The following DESI2 variants were observed in gnomAD, a reference collection of about 807,000 sequenced individuals.
DESI2 encodes the protein deubiquitinase DESI2.
In DESI2, 10 loss-of-function variants were observed where a neutral mutation model predicts 24.1. The observed-to-expected ratio is 0.41, with a 90% CI of 0.26 to 0.70. The LOEUF (loss-of-function observed/expected upper bound fraction) is 0.70. Ranked by LOEUF, DESI2 falls within the 30% of genes least tolerant of loss-of-function variation. The probability of loss-of-function intolerance (pLI) is 0.29; values close to 1 mark genes in which losing one functional copy is unlikely to be tolerated. For synonymous variants in DESI2, 71 were observed against 87.7 expected (o/e 0.81, Z 1.06); for missense variants, 122 against 234.9 (o/e 0.52, Z 3.14).
intron 2 of DESI2, among the ~76,000 whole-genome samples, chr1:244,687,621 ACT>A (rs1257598793): frequency 6.6e-6 from 1 of 152,080 alleles, no homozygotes; most frequent in Non-Finnish European, 1.5e-5. Flanking sequence ...TGGTGGTTAT[ACT>A]CTTTTTTATA....
chr1:244,673,970 ATTTACT>A (rs1373602923), intron 1 of DESI2, among the ~76,000 whole-genome samples: 15 of 143,954 alleles, frequency 1.0e-4, no homozygotes, highest in African/African-American at 3.3e-4. Flanking sequence ...AAGTTAATAG[ATTTACT>A]TTACTTCTGT....
chr1:244,697,066 T>C (rs1278008912), intron 4 of DESI2, among the ~76,000 whole-genome samples: 1 of 152,232 alleles, frequency 6.6e-6, no homozygotes, highest in Non-Finnish European at 1.5e-5. Context: ...CTCTGGACTT[T>C]GCCCCAAGTA....
intron 2 of DESI2, among the ~76,000 whole-genome samples, chr1:244,687,137 C>T (rs532966630): frequency 3.3e-5 from 5 of 152,130 alleles, no homozygotes; most frequent in Admixed American, 6.6e-5. Flanking sequence ...TAGACCTATA[C>T]GTCTTATAAA....
chr1:244,686,170 ATAT>A (rs1573212687), intron 1 of DESI2, among the ~76,000 whole-genome samples: 1 of 152,320 alleles, frequency 6.6e-6, no homozygotes, highest in East Asian at 1.9e-4. Flanking sequence ...AAAGAATAAA[ATAT>A]TTCTGCTTTC....
chr1:244,700,430 C>T (rs1470249471), intron 4 of DESI2, among the ~76,000 whole-genome samples: 2 of 152,068 alleles, frequency 1.3e-5, no homozygotes, highest in Non-Finnish European at 2.9e-5. Context: ...CAAGTTGGCT[C>T]ATAAGTCTTT....
At chr1:244,693,993 T>G (rs1677119274) in intron 4 of DESI2, among the ~76,000 whole-genome samples, 1 of 152,258 alleles carries the variant, frequency 6.6e-6, no homozygotes, top group Non-Finnish European at 1.5e-5. Flanking sequence ...GGCACTCTAA[T>G]GAAGTTTAGT....
chr1:244,675,025 T>C (rs1479555481), intron 1 of DESI2, among the ~76,000 whole-genome samples: 2 of 152,234 alleles, frequency 1.3e-5, no homozygotes, highest in African/African-American at 2.4e-5. Context: ...CTTGTTATTA[T>C]CTGTCTTTTT....
At chr1:244,704,457 T>C (rs957859296) in intron 4 of DESI2, among the ~76,000 whole-genome samples, 3 of 152,138 alleles carry the variant, frequency 2.0e-5, no homozygotes, top group African/African-American at 7.2e-5. Context: ...GGGGAAGGGT[T>C]CAAGAGTCCT....
At chr1:244,664,568 C>A (rs867187451) in intron 1 of DESI2, among the ~76,000 whole-genome samples, 1 of 152,176 alleles carries the variant, frequency 6.6e-6, no homozygotes, top group African/African-American at 2.4e-5. Flanking sequence ...TAGCCAGGCC[C>A]ATGCCTGTGA....
intron 1 of DESI2, among the ~76,000 whole-genome samples, chr1:244,667,523 C>G (rs1472968623): frequency 2.6e-5 from 4 of 152,114 alleles, no homozygotes; most frequent in Admixed American, 2.6e-4. Flanking sequence ...ATTACTATTC[C>G]CATTTTAGAG....
intron 4 of DESI2, among the ~76,000 whole-genome samples, chr1:244,693,657 C>G (rs907911346): frequency 1.3e-5 from 2 of 151,572 alleles, no homozygotes; most frequent in Non-Finnish European, 1.5e-5. Flanking sequence ...TCTCGAACTC[C>G]TGACCTCAAG....
At chr1:244,654,947 C>T (rs1441352925) in intron 1 of DESI2, among the ~76,000 whole-genome samples, 1 of 152,158 alleles carries the variant, frequency 6.6e-6, no homozygotes, top group Non-Finnish European at 1.5e-5. Flanking sequence ...GGCCAGAAGC[C>T]ATGGTTTCAG....
intron 4 of DESI2, among the ~76,000 whole-genome samples, chr1:244,697,375 G>A (rs1677258614): frequency 6.6e-6 from 1 of 151,746 alleles, no homozygotes; most frequent in Non-Finnish European, 1.5e-5. Flanking sequence ...CCTGGTGTGT[G>A]GCACACACCT....
At chr1:244,683,365 G>T (rs570939746) in intron 1 of DESI2, among the ~76,000 whole-genome samples, 1 of 151,898 alleles carries the variant, frequency 6.6e-6, no homozygotes, top group African/African-American at 2.4e-5. Flanking sequence ...AGGCTGGAGT[G>T]CAGTGGCGTG....
At position 244,707,556 on chromosome 1, in the gene DESI2, C is replaced by T. The variant is rs976370887; in HGVS notation, c.*1767C>T. 1 of 152,522 alleles carries T rather than the reference C, an allele frequency of 6.6e-6. No individual in the cohort carries two copies. Among genetic ancestry groups the T allele is most frequent in the African/African-American group, 2.4e-5 (1 of 41,432 alleles). The allele number at this position is 152,522 out of a possible 1,614,324, so 9.4% of individuals were successfully genotyped here. A position where few individuals can be genotyped will look rare whatever the true frequency, so the allele number is the denominator to read the frequency against. On this transcript the variant is annotated 3_prime_UTR_variant, in exon 5 of 5. Coordinates refer to ENST00000302550, the MANE Select transcript of DESI2 (RefSeq NM_016076.5). ...AAAATGAGGGCAAAACACTAAGGCTCTAGCAGTGACTTGTTCACTAAAAAG... is the reference window on the plus strand; with the variant it reads ...AAAATGAGGGCAAAACACTAAGGCTTTAGCAGTGACTTGTTCACTAAAAAG...
At chr1:244,703,947 C>T (rs1677589744) in intron 4 of DESI2, among the ~76,000 whole-genome samples, 1 of 152,158 alleles carries the variant, frequency 6.6e-6, no homozygotes, top group African/African-American at 2.4e-5. Flanking sequence ...GTGTGAGCCA[C>T]CGCGCTGGGC....
At chr1:244,701,499 C>T (rs546079527) in intron 4 of DESI2, among the ~76,000 whole-genome samples, 1 of 152,054 alleles carries the variant, frequency 6.6e-6, no homozygotes, top group Non-Finnish European at 1.5e-5. Flanking sequence ...ATTCTATAGG[C>T]AGGTAACTGG....
intron 1 of DESI2, among the ~76,000 whole-genome samples, chr1:244,676,729 A>T (rs1223735539): frequency 6.7e-6 from 1 of 149,852 alleles, no homozygotes; most frequent in Non-Finnish European, 1.5e-5. Context: ...GGAAATTTCC[A>T]TCTATTCCTA....
In DESI2 at chr1:244,708,770, G is replaced by A. The variant is rs1677810203; in HGVS notation, c.*2981G>A. On this transcript the variant is annotated 3_prime_UTR_variant, in exon 5 of 5. Coordinates refer to ENST00000302550, the MANE Select transcript of DESI2 (RefSeq NM_016076.5). ...ATCTCTTTCTCTTCAGTATGGTTTA[G>A]AGCCCAGATCAGTTAGTAGGCTTTC... 1 of 152,604 alleles carries A rather than the reference G, an allele frequency of 6.6e-6. No homozygotes were observed. Among genetic ancestry groups the A allele is most frequent in the Non-Finnish European group, 1.5e-5 (1 of 68,034 alleles). The allele number at this position is 152,604 out of a possible 1,614,324, so 9.5% of individuals were successfully genotyped here.
Sources: allele counts gnomAD v4.1 joint callset (sites outside exome capture counted in the v4.1 genomes callset), GRCh38; gene constraint gnomAD v4.1.1; transcripts MANE v1.5; gene names NCBI Gene and HGNC (gene_info 2026-07-23, HGNC 2026-07-21).